The following ZNF654 variants were observed in gnomAD, a reference collection of about 807,000 sequenced individuals.
ZNF654 encodes zinc finger protein 654, also known as melanoma-associated antigen.
ZNF654 carries 19 observed loss-of-function variants against 95.3 expected under a neutral mutation model. The ratio of observed to expected loss-of-function variants is 0.20; its 90% CI spans 0.14 to 0.29. ZNF654 has a LOEUF of 0.29. Among genes scored for constraint, ZNF654 ranks in the 10% least tolerant of loss-of-function variants. The pLI, the probability that ZNF654 is intolerant of heterozygous loss-of-function variation, is 1.00. For synonymous variants in ZNF654, 413 were observed against 457.9 expected (o/e 0.90, Z 1.25); for missense variants, 1,046 against 1,341.0 (o/e 0.78, Z 3.44).
chr3:88,094,646 G>A (rs1274642431), intron 2 of ZNF654, among the ~76,000 whole-genome samples: 2 of 152,052 alleles, frequency 1.3e-5, no homozygotes, highest in Non-Finnish European at 2.9e-5. Flanking sequence ...CTACTATTAG[G>A]AAGATCTTTA....
intron 1 of ZNF654, among the ~76,000 whole-genome samples, chr3:88,060,152 C>G (rs1706781526): frequency 6.6e-6 from 1 of 152,066 alleles, no homozygotes; most frequent in South Asian, 2.1e-4. Context: ...GACACACGCA[C>G]TCTTTTCTAA....
Position 88,142,429 on chromosome 3 carries a change from G to A in ZNF654, c.*777G>A, listed in dbSNP as rs1375287837. 1.3e-5 allele frequency: 2 copies of A among 152,322 alleles called. No individual in the cohort carries two copies. The highest frequency in any genetic ancestry group is 3.8e-4 in the East Asian group (2 of 5,200). 9.4% of individuals were successfully genotyped at this position (152,322 alleles called of 1,614,324 possible). A position where few individuals can be genotyped will look rare whatever the true frequency, so the allele number is the denominator to read the frequency against. ...AGAAAAAAACCGATCAGTACTCTGG[G>A]GAGAGATGAAAGGAATCTAAGACTT... On this transcript the variant is annotated 3_prime_UTR_variant, in exon 9 of 9. Transcript: ENST00000636215.
intron 2 of ZNF654, among the ~76,000 whole-genome samples, chr3:88,097,690 G>A (rs544310266): frequency 2.0e-4 from 30 of 152,172 alleles, no homozygotes; most frequent in South Asian, 6.2e-4. Context: ...ACTCAAAACC[G>A]CTCAACTACA....
chr3:88,106,707 G>GTAAT lies in ZNF654; in HGVS notation c.333-6406_333-6405insATTA, dbSNP rs1704762406. The stretch of plus-strand genomic sequence containing the variant: ...TTTGTTTAATGCTTTTTTAAGCTGT[G>GTAAT]TAGATTTTTAAAATGTAATTAAAAT... On this transcript the variant is annotated intron_variant, in intron 2 of 8. Transcript: ENST00000636215. Among the ~76,000 whole-genome samples, 5 of 152,066 alleles carry GTAAT rather than the reference G, an allele frequency of 3.3e-5. No individual in the cohort carries two copies. The South Asian group carries it at 1.0e-3, about 31-fold the overall frequency.
At chr3:88,110,757 G>C (rs745596456) in intron 2 of ZNF654, among the ~76,000 whole-genome samples, 3 of 152,088 alleles carry the variant, frequency 2.0e-5, no homozygotes, top group Admixed American at 6.6e-5. Context: ...AAATACAACA[G>C]GTTGGAAACA....
rs189427695 is a variant in ZNF654, at chr3:88,098,598, C to T, written c.332+12196C>T. 5.5e-3 allele frequency among the ~76,000 whole-genome samples: 839 copies of T among 152,250 alleles called. 8 individuals carry two copies. The highest frequency in any genetic ancestry group is 0.01 in the Middle Eastern group (3 of 294). ...AAATCCTCAGTAAAATACTGGCAAA[C>T]TGAATCCAGCAGCACAGCAAAAAGC... On this transcript the variant is annotated intron_variant, in intron 2 of 8. Transcript: ENST00000636215.
At chr3:88,116,612 TTGTG>T (rs761236273) in intron 3 of ZNF654, among the ~76,000 whole-genome samples, 3 of 149,814 alleles carry the variant, frequency 2.0e-5, no homozygotes, top group East Asian at 2.0e-4. Context: ...TGTATATATG[TTGTG>T]TGTGTGTGTG....
At chr3:88,064,109 CTT>C (rs34753092) in intron 1 of ZNF654, among the ~76,000 whole-genome samples, 21 of 147,880 alleles carry the variant, frequency 1.4e-4, no homozygotes, top group South Asian at 2.1e-4. Flanking sequence ...CGAGCTTCTT[CTT>C]TTTTTTTTTT....
chr3:88,135,331 A>C, intron 7 of ZNF654, 129 bp downstream of exon 7: 2 of 662,776 alleles, frequency 3.0e-6, no homozygotes, highest in Non-Finnish European at 4.5e-6. Flanking sequence ...CACATTCTCC[A>C]TACATTACAT....
At chr3:88,078,610 G>A (rs564738906) in intron 1 of ZNF654, among the ~76,000 whole-genome samples, 1 of 152,232 alleles carries the variant, frequency 6.6e-6, no homozygotes, top group Admixed American at 6.5e-5. Flanking sequence ...TGAATGGTTA[G>A]AAAAGGAGCT....
intron 3 of ZNF654, 83 bp from the exon 4 acceptor site, chr3:88,126,051 C>G: frequency 7.7e-7 from 1 of 1,294,032 alleles, no homozygotes. Flanking sequence ...CACTGGCCAT[C>G]AGTCATTTTA....
At chr3:88,125,764 T>C (rs1479201060) in intron 3 of ZNF654, among the ~76,000 whole-genome samples, 1 of 152,196 alleles carries the variant, frequency 6.6e-6, no homozygotes, top group African/African-American at 2.4e-5. Context: ...CTTTTTCTTA[T>C]CAGGCTCTTG....
At chr3:88,078,734 C>A (rs1283627134) in intron 1 of ZNF654, among the ~76,000 whole-genome samples, 1 of 152,000 alleles carries the variant, frequency 6.6e-6, no homozygotes, top group Non-Finnish European at 1.5e-5. Flanking sequence ...ACAGACTCAT[C>A]ATATATGGAT....
In ZNF654 at chr3:88,129,684, C is replaced by A; in HGVS notation, c.754-3C>A. On this transcript the variant is annotated splice_region_variant and splice_polypyrimidine_tract_variant and intron_variant, in intron 5 of 8. Transcript: ENST00000636215. ...TGAACTGATTTCTCTTTTCCTCTTA[C>A]AGCATTTATTGAAAACTGATTGTAA... 1 of 1,464,796 alleles carries A rather than the reference C, an allele frequency of 6.8e-7. No homozygotes were observed. The highest frequency in any genetic ancestry group is 2.5e-5 in the East Asian group (1 of 40,026). 90.7% of individuals were successfully genotyped at this position (1,464,796 alleles called of 1,614,324 possible). A position where few individuals can be genotyped will look rare whatever the true frequency, so the allele number is the denominator to read the frequency against.
intron 4 of ZNF654, 130 bp downstream of exon 4, chr3:88,126,399 C>A: frequency 9.6e-7 from 1 of 1,039,384 alleles, no homozygotes; most frequent in African/African-American, 1.6e-5. Context: ...TGTATTTTCA[C>A]ATGAAAAGTG....
At chr3:88,125,903 T>G (rs1470190630) in intron 3 of ZNF654, among the ~76,000 whole-genome samples, 1 of 152,180 alleles carries the variant, frequency 6.6e-6, no homozygotes, top group Non-Finnish European at 1.5e-5. Flanking sequence ...TCATCCCTAT[T>G]TGGGATTTTC....
rs1366313782 is a variant in ZNF654, at chr3:88,129,478, T to A, written c.754-209T>A. On this transcript the variant is annotated intron_variant, in intron 5 of 8. Transcript: ENST00000636215. Reference sequence around the variant, plus strand: ...CGTATGTACCTATAGGTTGTGGACATTAATGAGATTAAAAGTAGTCATTGT... The same window carrying A: ...CGTATGTACCTATAGGTTGTGGACAATAATGAGATTAAAAGTAGTCATTGT... Among the ~76,000 whole-genome samples the A allele has an allele frequency of 7.9e-5, 12 of 152,234 alleles. No individual in the cohort carries two copies. In the East Asian group the frequency reaches 1.2e-3, roughly 15 times the overall value.
intron 1 of ZNF654, among the ~76,000 whole-genome samples, chr3:88,069,649 G>C (rs906229826): frequency 1.3e-5 from 2 of 152,184 alleles, no homozygotes; most frequent in Admixed American, 1.3e-4. Flanking sequence ...CTGCTACTTA[G>C]ATGGAGAGTC....
intron 1 of ZNF654, among the ~76,000 whole-genome samples, chr3:88,078,300 T>C (rs75391019): frequency 0.09 from 13,639 of 152,224 alleles, 769 homozygotes; most frequent in Non-Finnish European, 0.13. Flanking sequence ...TAAAACTACT[T>C]CATTTTATTT....
Sources: gnomAD v4.1 joint callset for allele counts (sites outside exome capture counted in the v4.1 genomes callset) on GRCh38, gnomAD v4.1.1 for gene constraint, MANE v1.5 for transcripts, NCBI Gene and HGNC (gene_info 2026-07-23, HGNC 2026-07-21) for gene names.